DDX42: variants seen among roughly 807,000 people sequenced by gnomAD.
DDX42 encodes ATP-dependent RNA helicase DDX42.
Under a neutral mutation model 101.5 loss-of-function variants are expected in DDX42, and 22 were observed. The observed-to-expected ratio is 0.22, with a 90% confidence interval of 0.15 to 0.31. The LOEUF is 0.31. Among genes scored for constraint, DDX42 ranks in the 10% least tolerant of loss-of-function variants. The pLI is 1.00. For synonymous variants in DDX42, 402 were observed against 401.2 expected (o/e 1.00, Z -0.02); for missense variants, 849 against 1,199.9 (o/e 0.71, Z 4.32).
Position 63,816,918 on chromosome 17 carries a change from C to A in DDX42, c.2064C>A (p.Ser688=). The change falls in exon 17 of 18, where the codon TCC becomes TCA. Residue 688 remains serine, a synonymous_variant. Coordinates refer to ENST00000389924, the MANE Select transcript of DDX42 (RefSeq NM_203499.3). ...GCAATTATGAGGCCTACAAGCCTTC[C>A]ACAGGAGCTATGGGAGATCGACTAA... ...VMSNYEAYKP[S]TGAMGDRLTA... The A allele has an allele frequency of 1.2e-6, 2 of 1,613,936 alleles. No homozygotes were observed. The highest frequency in any genetic ancestry group is 1.7e-6 in the Non-Finnish European group (2 of 1,179,962).
intron 4 of DDX42, among the ~76,000 whole-genome samples, chr17:63,798,989 CA>C (rs1350942332): frequency 2.0e-5 from 3 of 152,300 alleles, no homozygotes; most frequent in Non-Finnish European, 4.4e-5. Context: ...GGGAACTAAG[CA>C]ACCATATTTT....
rs146660673 is a variant in DDX42 at position 63,805,168 on chromosome 17, A to G, written c.719A>G (p.Asn240Ser). 3.7e-6 allele frequency: 6 copies of G among 1,613,036 alleles called. No individual in the cohort carries two copies. In the African/African-American group the frequency reaches 4.0e-5, roughly 11 times the overall value. ...TTAATAGATCTCCGGCATAAGCTCA[A>G]TCTTCGGGTAAGCATCATTAAGCTC... ...QQLIDLRHKL[N>S]LRVSGAAPPR... Residue 240 changes from asparagine (N) to serine (S), a missense_variant, in exon 7 of 18, where the codon AAT becomes AGT. By Grantham distance (46) the Asn-to-Ser change is conservative. Around this residue, in one of 5 missense-constraint regions of DDX42, gnomAD observed 370 missense variants for 608.8 expected, o/e 0.61. Coordinates refer to ENST00000389924, the MANE Select transcript of DDX42 (RefSeq NM_203499.3).
chr17:63,793,669 G>T (rs759960535), intron 3 of DDX42, among the ~76,000 whole-genome samples: 6 of 151,644 alleles, frequency 4.0e-5, no homozygotes, highest in Admixed American at 2.0e-4. Flanking sequence ...TGTTATTGTC[G>T]CACCCAAAAA....
chr17:63,800,386 G>A, intron 5 of DDX42, 82 bp from the exon 6 acceptor site: 1 of 1,372,364 alleles, frequency 7.3e-7, no homozygotes, highest in Non-Finnish European at 1.0e-6. Context: ...CAATTATCTG[G>A]TACACTATGT....
At chr17:63,793,595 C>A (rs1233804485) in intron 3 of DDX42, among the ~76,000 whole-genome samples, 3 of 152,120 alleles carry the variant, frequency 2.0e-5, no homozygotes, top group Non-Finnish European at 4.4e-5. Flanking sequence ...ATTTTAAAAT[C>A]TCAGACATAT....
intron 13 of DDX42, 177 bp downstream of exon 13, chr17:63,811,350 T>C (rs2039908165): frequency 6.1e-6 from 3 of 489,510 alleles, no homozygotes; most frequent in Non-Finnish European, 1.1e-5. Context: ...ACTGGCAAAA[T>C]GTTGGGAATC....
At chr17:63,808,639 T>G (rs1943932100) in intron 9 of DDX42, among the ~76,000 whole-genome samples, 181 bp from the exon 10 acceptor site, 1 of 152,210 alleles carries the variant, frequency 6.6e-6, no homozygotes, top group Non-Finnish European at 1.5e-5. Context: ...AGATAATCTG[T>G]TGAGATGCAA....
At position 63,816,888 on chromosome 17, in the gene DDX42, A is replaced by G. The variant is rs35652461; in HGVS notation, c.2034A>G (p.Val678=). 1.1e-3 allele frequency: 1,704 copies of G among 1,612,842 alleles called. 17 individuals are homozygous for G. In the African/African-American group the frequency reaches 0.02, roughly 19 times the overall value. Residue 678 remains valine (V), a synonymous_variant, in exon 17 of 18, where the codon GTA becomes GTG. Coordinates refer to ENST00000389924, the MANE Select transcript of DDX42 (RefSeq NM_203499.3). ...TTTAGGATCGAGGAAATAACAATGTAATGAGCAATTATGAGGCCTACAAGC... is the reference window on the plus strand; with the variant it reads ...TTTAGGATCGAGGAAATAACAATGTGATGAGCAATTATGAGGCCTACAAGC... ...SENMDRGNNN[V]MSNYEAYKPS...
At chr17:63,800,169 A>G (rs2039745075) in intron 5 of DDX42, 5 of 300,702 alleles carry the variant, frequency 1.7e-5, no homozygotes, top group East Asian at 6.5e-5. Flanking sequence ...CATGTGTTCT[A>G]TGGCTCTGGG....
rs1007646562 is a variant in DDX42, at chr17:63,786,939, G to A, written c.-16-95G>A. 1.0e-5 allele frequency: 13 copies of A among 1,277,066 alleles called. No homozygotes were observed. The Middle Eastern group carries it at 2.0e-3, about 198-fold the overall frequency. 79.1% of individuals were successfully genotyped at this position (1,277,066 alleles called of 1,614,324 possible). A position where few individuals can be genotyped will look rare whatever the true frequency, so the allele number is the denominator to read the frequency against. On this transcript the variant is annotated intron_variant, in intron 1 of 17. Coordinates refer to ENST00000389924, the MANE Select transcript of DDX42 (RefSeq NM_203499.3). ...GGTCCACCTGCCTTGGCCTCCCAAAGTGCTGGGATTACAGGCGTGACCCAC... is the reference window on the plus strand; with the variant it reads ...GGTCCACCTGCCTTGGCCTCCCAAAATGCTGGGATTACAGGCGTGACCCAC...
chr17:63,808,680 G>A (rs1306239680), intron 9 of DDX42, 140 bp from the exon 10 acceptor site: 1 of 830,906 alleles, frequency 1.2e-6, no homozygotes, highest in East Asian at 2.7e-5. Context: ...ATACCTTTAT[G>A]AATAAAATCG....
chr17:63,810,319 G>T, intron 11 of DDX42, 194 bp from the exon 12 acceptor site: 2 of 366,532 alleles, frequency 5.5e-6, no homozygotes, highest in Admixed American at 5.0e-5. Context: ...GCGAACTCCT[G>T]ACCTCAAGTG....
intron 1 of DDX42, among the ~76,000 whole-genome samples, chr17:63,784,477 G>T (rs1237498834): frequency 6.6e-6 from 1 of 152,152 alleles, no homozygotes; most frequent in African/African-American, 2.4e-5. Context: ...AATGTAAGTA[G>T]TAGTTAAAAT....
intron 3 of DDX42, among the ~76,000 whole-genome samples, chr17:63,797,743 T>G (rs2039711307): frequency 6.6e-6 from 1 of 152,248 alleles, no homozygotes; most frequent in Non-Finnish European, 1.5e-5. Flanking sequence ...ATCTGTAATT[T>G]TATCATTAAC....
intron 5 of DDX42, 43 bp from the exon 6 acceptor site, chr17:63,800,425 C>T (rs1312399715): frequency 6.9e-6 from 11 of 1,593,074 alleles, no homozygotes; most frequent in Non-Finnish European, 9.4e-6. Context: ...GAAACATTCT[C>T]AATTGTACTT....
intron 1 of DDX42, among the ~76,000 whole-genome samples, chr17:63,785,669 T>C (rs1598324314): frequency 2.0e-5 from 3 of 151,884 alleles, no homozygotes; most frequent in East Asian, 1.9e-4. Context: ...TGTTTGTAAA[T>C]TGATTTTATG....
chr17:63,813,440 G>C lies in DDX42; in HGVS notation c.1888G>C (p.Asp630His), dbSNP rs1306852373. 6.2e-7 allele frequency: 1 copy of C among 1,614,004 alleles called. No individual in the cohort carries two copies. Among genetic ancestry groups the C allele is most frequent in the Non-Finnish European group, 8.5e-7 (1 of 1,179,952 alleles). The change falls in exon 15 of 18, where the codon GAT becomes CAT. Residue 630 changes from aspartate (D) to histidine (H), a missense_variant. Coordinates refer to ENST00000389924, the MANE Select transcript of DDX42 (RefSeq NM_203499.3). ...ANQHVSKELLDLAMQNAWFRK... is the reference protein window; with the variant it reads ...ANQHVSKELLHLAMQNAWFRK... ...TCAACACGTTTCTAAGGAACTCCTAGATCTGGCAATGCAGGTGAGGGGCTG... is the reference window on the plus strand; with the variant it reads ...TCAACACGTTTCTAAGGAACTCCTACATCTGGCAATGCAGGTGAGGGGCTG...
chr17:63,796,034 T>G (rs1038868121), intron 3 of DDX42, among the ~76,000 whole-genome samples: 17 of 152,226 alleles, frequency 1.1e-4, no homozygotes, highest in Middle Eastern at 3.2e-3. Flanking sequence ...TTAAGTGATT[T>G]ACCCTAGGAG....
rs904043767 is a variant in DDX42 at position 63,811,033 on chromosome 17, G to T, written c.1301-43G>T. On this transcript the variant is annotated intron_variant, in intron 12 of 17. Transcript: ENST00000389924. ...AAGAAGCTTAATGGGTATGCATAAA[G>T]ATATCATATTGTTTCTCTAACAGAA... The T allele has an allele frequency of 3.9e-6, 6 of 1,552,846 alleles. No homozygotes were observed. In the East Asian group the frequency reaches 1.1e-4, roughly 29 times the overall value.
Sources: gnomAD v4.1 joint callset for allele counts (sites outside exome capture counted in the v4.1 genomes callset) on GRCh38, gnomAD v4.1.1 for gene constraint, gnomAD v4.1.1 regional missense constraint, MANE v1.5 for transcripts, NCBI Gene and HGNC (gene_info 2026-07-23, HGNC 2026-07-21) for gene names.